Variants in ASPM observed in about 807,000 individuals in gnomAD.
ASPM encodes the protein abnormal spindle-like microcephaly-associated protein.
Under a neutral mutation model 366.4 loss-of-function variants are expected in ASPM, and 256 were observed. The ratio of observed to expected loss-of-function variants is 0.70; its 90% confidence interval spans 0.63 to 0.77. The LOEUF (loss-of-function observed/expected upper bound fraction) is 0.77. Among genes scored for constraint, ASPM ranks in the 30% least tolerant of loss-of-function variants. ASPM has a pLI of 0.00. For missense variants in ASPM, 4,146 were observed against 4,090.4 expected (o/e 1.01, Z -0.37); for synonymous variants, 1,414 against 1,342.9 (o/e 1.05, Z -1.16).
In ASPM at chr1:197,101,947, A is replaced by C; in HGVS notation, c.7304T>G (p.Ile2435Ser). Residue 2435 changes from isoleucine to serine, a missense_variant, in exon 18 of 28, where the codon ATT (isoleucine) becomes AGT (serine). By Grantham distance (142) the Ile-to-Ser change is moderately radical. This residue lies in a region of ASPM where 3,624 missense variants were observed against 3,591.7 expected (regional missense o/e 1.01). Coordinates refer to ENST00000367409, the MANE Select transcript of ASPM (RefSeq NM_018136.5). ...RRFISLKKAT[I>S]FVQRKYRATI... is the part of the protein sequence containing the mutation. ...GGCTCGATATTTCCTCTGAACAAAA[A>C]TAGTAGCTTTTTTGAGGGAAATGAA... The C allele has an allele frequency of 6.2e-7, 1 of 1,612,846 alleles. No homozygotes were observed. The highest frequency in any genetic ancestry group is 8.5e-7 in the Non-Finnish European group (1 of 1,179,318).
rs747330693 is a variant in ASPM, at chr1:197,142,395, A to G, written c.1857T>C (p.Asn619=). 1.9e-6 allele frequency: 3 copies of G among 1,613,738 alleles called. No homozygotes were observed. The African/African-American group carries it at 4.0e-5, about 22-fold the overall frequency. Reference sequence around the variant, plus strand: ...TACGTTTTGAGATGGGTGTTGTCACATTTTTTGTTTTCTTAACAGCTGATG... The same window carrying G: ...TACGTTTTGAGATGGGTGTTGTCACGTTTTTTGTTTTCTTAACAGCTGATG... ...PKTSAVKKTK[N]VTTPISKRIS... Residue 619 remains asparagine, a synonymous_variant, in exon 3 of 28, where the codon AAT becomes AAC. Transcript: ENST00000367409.
intron 10 of ASPM, among the ~76,000 whole-genome samples, chr1:197,126,406 C>T (rs1236228604): frequency 1.6e-5 from 2 of 127,866 alleles, no homozygotes; most frequent in African/African-American, 3.0e-5. Context: ...TGCCACTGCA[C>T]GCCAGCCTGG....
At chr1:197,092,084 A>C in intron 21 of ASPM, 28 bp from the exon 22 acceptor site, 1 of 1,609,626 alleles carries the variant, frequency 6.2e-7, no homozygotes, top group Non-Finnish European at 8.5e-7. Flanking sequence ...AAGCATATTC[A>C]AGTATCTGCC....
In ASPM at chr1:197,133,410, T is replaced by A; in HGVS notation, c.2359A>T (p.Ile787Phe). The A allele has an allele frequency of 6.2e-7, 1 of 1,614,010 alleles. No homozygotes were observed. Among genetic ancestry groups the A allele is most frequent in the South Asian group, 1.1e-5 (1 of 91,054 alleles). ...KMVKAIKKLE[I>F]EIEARRLIVR... is the part of the protein sequence containing the mutation. ...ATTAACCGCCTAGCTTCAATTTCAA[T>A]TTCAAGCTTTTTAATAGCTTTAACC... is the stretch of plus-strand genomic sequence containing the variant. Residue 787 changes from isoleucine (I) to phenylalanine (F), a missense_variant, in exon 6 of 28, where the codon ATT becomes TTT. Physicochemically the swap from Ile to Phe is conservative, Grantham distance 21. This residue lies in a region of ASPM where 3,624 missense variants were observed against 3,591.7 expected (regional missense o/e 1.01). Coordinates refer to ENST00000367409, the MANE Select transcript of ASPM (RefSeq NM_018136.5).
chr1:197,106,625 A>G (rs984081870), intron 17 of ASPM, among the ~76,000 whole-genome samples: 1 of 152,048 alleles, frequency 6.6e-6, no homozygotes, highest in Non-Finnish European at 1.5e-5. Context: ...AACATGGAAG[A>G]TATGATCATC....
chr1:197,146,489 CTCCGGAGCGGGGA>C lies in ASPM; in HGVS notation c.-65_-53del. Reference sequence around the variant, plus strand: ...TCCTTGCCCCGCTCCCACGAGGCGGCTCCGGAGCGGGGATCCGGGACTTACGCTGACCGCTTCC... The same window carrying C: ...TCCTTGCCCCGCTCCCACGAGGCGGCTCCGGGACTTACGCTGACCGCTTCC... On this transcript the variant is annotated 5_prime_UTR_variant, in exon 1 of 28. Coordinates refer to ENST00000367409, the MANE Select transcript of ASPM (RefSeq NM_018136.5). 6.3e-7 allele frequency: 1 copy of C among 1,589,266 alleles called. No homozygotes were observed. The highest frequency in any genetic ancestry group is 8.5e-7 in the Non-Finnish European group (1 of 1,172,744).
Position 197,089,085 on chromosome 1 carries a change from G to C in ASPM, c.9985-653C>G, listed in dbSNP as rs75208701. On this transcript the variant is annotated intron_variant, in intron 25 of 27. Coordinates refer to ENST00000367409, the MANE Select transcript of ASPM (RefSeq NM_018136.5). ...TATTAACTCAATGTGTATAGTAACA[G>C]TTTTGAGTACTGTTACTATACTCAT... Among the ~76,000 whole-genome samples the C allele has an allele frequency of 6.0e-3, 914 of 152,096 alleles. 15 individuals carry two copies. The highest frequency in any genetic ancestry group is 0.021 in the African/African-American group (877 of 41,528).
chr1:197,133,668 A>C, intron 5 of ASPM, 73 bp from the exon 6 acceptor site: 1 of 1,538,118 alleles, frequency 6.5e-7, no homozygotes, highest in Non-Finnish European at 8.9e-7. Flanking sequence ...CAGCAATAAA[A>C]TGCAATTTCA....
intron 12 of ASPM, among the ~76,000 whole-genome samples, chr1:197,124,544 C>A (rs905680551): frequency 6.6e-6 from 1 of 151,390 alleles, no homozygotes; most frequent in African/African-American, 2.4e-5. Flanking sequence ...ACCATCTACA[C>A]TGAAGTGATA....
At position 197,103,815 on chromosome 1, in the gene ASPM, G is replaced by A. The variant is rs760048482; in HGVS notation, c.5436C>T (p.Tyr1812=). ...KKAATCLQAA[Y]RGYKVRQLIK... ...TTAGCTGGCGTACTTTATAACCTCT[G>A]TAAGCTGCTTGCAAGCAAGTAGCTG... The change falls in exon 18 of 28, where the codon TAC becomes TAT. Residue 1812 remains tyrosine (Y), a synonymous_variant. Transcript: ENST00000367409. The A allele has an allele frequency of 1.2e-6, 2 of 1,612,958 alleles. No homozygotes were observed. The highest frequency in any genetic ancestry group is 8.5e-7 in the Non-Finnish European group (1 of 1,179,368).
chr1:197,095,879 T>C (rs1656956975), intron 19 of ASPM, 119 bp downstream of exon 19: 2 of 951,496 alleles, frequency 2.1e-6, no homozygotes, highest in South Asian at 1.8e-5. Flanking sequence ...AAACCAACCA[T>C]ATAAATTAAG....
In ASPM at chr1:197,128,343, G is replaced by GAA. The variant is rs200280533; in HGVS notation, c.2936+145_2936+146dup. 127,706 of 553,088 alleles carry GAA rather than the reference G, an allele frequency of 0.23. 884 individuals are homozygous for GAA. Among genetic ancestry groups the GAA allele is most frequent in the South Asian group, 0.26 (11,169 of 43,350 alleles). The allele number at this position is 553,088 out of a possible 1,614,324, so 34.3% of individuals were successfully genotyped here. A position where few individuals can be genotyped will look rare whatever the true frequency, so the allele number is the denominator to read the frequency against. ...CATAACATTGATGTACCACTTCCCT[G>GAA]AAAAAAAAAAAAAAACCTCAATTTT... On this transcript the variant is annotated intron_variant, in intron 10 of 27. Transcript: ENST00000367409.
rs1571597391 is a variant in ASPM at position 197,100,961 on chromosome 1, C to T, written c.8290G>A (p.Glu2764Lys). 6.2e-7 allele frequency: 1 copy of T among 1,612,570 alleles called. No homozygotes were observed. Among genetic ancestry groups the T allele is most frequent in the Middle Eastern group, 1.7e-4 (1 of 6,052 alleles). The change falls in exon 18 of 28, where the codon GAA (glutamate) becomes AAA (lysine). Residue 2764 changes from glutamate (E) to lysine (K), a missense_variant. Glu to Lys is a moderately conservative substitution (Grantham distance 56, BLOSUM62 1). Coordinates refer to ENST00000367409, the MANE Select transcript of ASPM (RefSeq NM_018136.5). ...VRQKLKNVSEEKMAAIVNQSA... is the reference protein window; with the variant it reads ...VRQKLKNVSEKKMAAIVNQSA... ...TGGTTAACAATGGCTGCCATCTTTT[C>T]CTCTGATACATTTTTCAATTTTTGT...
intron 19 of ASPM, among the ~76,000 whole-genome samples, chr1:197,094,385 G>A (rs948748765): frequency 2.6e-4 from 40 of 151,834 alleles, no homozygotes; most frequent in Non-Finnish European, 3.8e-4. Flanking sequence ...TTTACAATTG[G>A]CAATATTCCA....
At chr1:197,099,118 C>T (rs947922669) in intron 18 of ASPM, among the ~76,000 whole-genome samples, 1 of 151,666 alleles carries the variant, frequency 6.6e-6, no homozygotes, top group Non-Finnish European at 1.5e-5. Context: ...CAAACCTACA[C>T]TGAACTATAA....
At position 197,129,305 on chromosome 1, in the gene ASPM, GCTT is replaced by G. The variant is rs1156757473; in HGVS notation, c.2639_2641del (p.Glu880del). ...CTTTTTCAATGTAAACTTGGACAAAGCTTCTTCATGACCTTAAATAAAGTACAA... is the reference window on the plus strand; with the variant it reads ...CTTTTTCAATGTAAACTTGGACAAAGCTTCATGACCTTAAATAAAGTACAA... On this transcript the variant is annotated inframe_deletion, in exon 9 of 28. Coordinates refer to ENST00000367409, the MANE Select transcript of ASPM (RefSeq NM_018136.5). 1.2e-6 allele frequency: 2 copies of G among 1,612,806 alleles called. No homozygotes were observed. The highest frequency in any genetic ancestry group is 2.2e-5 in the East Asian group (1 of 44,710).
At position 197,142,447 on chromosome 1, in the gene ASPM, A is replaced by G. The variant is rs960185787; in HGVS notation, c.1805T>C (p.Ile602Thr). The change falls in exon 3 of 28, where the codon ATC (isoleucine) becomes ACC (threonine). Residue 602 changes from isoleucine (I) to threonine (T), a missense_variant. Physicochemically the swap from Ile to Thr is moderately conservative, Grantham distance 89. Around this residue, in one of 3 missense-constraint regions of ASPM, gnomAD observed 3,624 missense variants for 3,591.7 expected, o/e 1.01. Transcript: ENST00000367409. Reference protein sequence around the residue: ...EHTEVREIKRIHFSPSEPKTS... With the variant: ...EHTEVREIKRTHFSPSEPKTS... ...TTTAGGCTCTGAGGGAGAAAAATGG[A>G]TTCTTTTGATTTCTCGCACTTCTGT... 1 of 1,613,934 alleles carries G rather than the reference A, an allele frequency of 6.2e-7. No individual in the cohort carries two copies.
chr1:197,139,726 A>G lies in ASPM; in HGVS notation c.2026+41T>C, dbSNP rs1469025481. 5.7e-6 allele frequency: 8 copies of G among 1,393,790 alleles called. No individual in the cohort carries two copies. The East Asian group carries it at 1.8e-4, about 32-fold the overall frequency. The allele number at this position is 1,393,790 out of a possible 1,614,324, so 86.3% of individuals were successfully genotyped here. A position where few individuals can be genotyped will look rare whatever the true frequency, so the allele number is the denominator to read the frequency against. On this transcript the variant is annotated intron_variant, in intron 4 of 27. Coordinates refer to ENST00000367409, the MANE Select transcript of ASPM (RefSeq NM_018136.5). Reference sequence around the variant, plus strand: ...TGAAATGCAATTAATGCTTCATTCGATGTCATGTTTTCAGAGAGTTTAAGT... The same window carrying G: ...TGAAATGCAATTAATGCTTCATTCGGTGTCATGTTTTCAGAGAGTTTAAGT...
At chr1:197,105,734 T>C (rs931383449) in intron 17 of ASPM, among the ~76,000 whole-genome samples, 5 of 152,002 alleles carry the variant, frequency 3.3e-5, no homozygotes, top group African/African-American at 1.2e-4. Flanking sequence ...TACTTCCTTT[T>C]CCCAAATTTA....
Sources: gnomAD v4.1 joint callset for allele counts (sites outside exome capture counted in the v4.1 genomes callset) on GRCh38, gnomAD v4.1.1 for gene constraint, gnomAD v4.1.1 regional missense constraint, MANE v1.5 for transcripts, NCBI Gene and HGNC (gene_info 2026-07-23, HGNC 2026-07-21) for gene names.